Variants in GPHN observed in about 807,000 individuals in gnomAD.
GPHN encodes gephyrin.
GPHN carries 17 observed loss-of-function variants against 95.5 expected under a neutral mutation model. That is an observed-to-expected ratio of 0.18 (90% CI 0.12 to 0.27). The LOEUF (loss-of-function observed/expected upper bound fraction) is 0.27, where lower values mean the gene tolerates loss of function less well. Ranked by LOEUF, GPHN falls within the 10% of genes least tolerant of loss-of-function variation. The pLI is 1.00. For missense variants in GPHN, 660 were observed against 978.1 expected, an observed-to-expected ratio of 0.67 and a Z score of 4.34; for synonymous variants, 320 against 322.5, an observed-to-expected ratio of 0.99 and a Z score of 0.08.
chr14:66,630,928 T>A (rs2153339366), intron 1 of GPHN, among the ~76,000 whole-genome samples: 1 of 152,138 alleles, frequency 6.6e-6, no homozygotes, highest in East Asian at 1.9e-4. Context: ...TTTTCTTACA[T>A]TTTATGGAGT....
At chr14:66,656,472 G>A (rs1253931610) in intron 1 of GPHN, among the ~76,000 whole-genome samples, 1 of 152,134 alleles carries the variant, frequency 6.6e-6, no homozygotes, top group Admixed American at 6.5e-5. Context: ...GTGGGAATAG[G>A]TGTACTTTAT....
At chr14:66,860,055 T>G (rs532640251) in intron 4 of GPHN, among the ~76,000 whole-genome samples, 5 of 152,116 alleles carry the variant, frequency 3.3e-5, no homozygotes, top group African/African-American at 9.6e-5. Context: ...AGTAGAAACT[T>G]TATTCAAAGG....
intron 10 of GPHN, among the ~76,000 whole-genome samples, chr14:67,046,947 C>G (rs756094815): frequency 9.9e-5 from 15 of 152,126 alleles, no homozygotes; most frequent in Non-Finnish European, 1.9e-4. Flanking sequence ...ACTATTTAAG[C>G]TGACCATATT....
chr14:66,597,268 C>T (rs2062022897), intron 1 of GPHN, among the ~76,000 whole-genome samples: 1 of 152,194 alleles, frequency 6.6e-6, no homozygotes, highest in Admixed American at 6.5e-5. Flanking sequence ...TGAGGCTACT[C>T]ACATGCTCAA....
chr14:66,946,825 G>A (rs1321303174), intron 8 of GPHN, among the ~76,000 whole-genome samples: 4 of 152,050 alleles, frequency 2.6e-5, no homozygotes, highest in Admixed American at 2.6e-4. Context: ...AGACTTATTG[G>A]TGACTCTTCT....
At chr14:67,592,854 C>T in the GPHN span, 4 of 577,134 alleles carry the variant, frequency 6.9e-6, no homozygotes, top group Admixed American at 2.8e-5. Flanking sequence ...GGCGCAATCT[C>T]GGCTCACTGC....
chr14:67,288,768 A>G, the GPHN span, among the ~76,000 whole-genome samples: 1 of 152,032 alleles, frequency 6.6e-6, no homozygotes, highest in African/African-American at 2.4e-5. Context: ...TATTCTTAAT[A>G]TTAGCTTATG....
chr14:67,706,563 A>T, the GPHN span, among the ~76,000 whole-genome samples: 13 of 152,212 alleles, frequency 8.5e-5, no homozygotes, highest in Non-Finnish European at 1.8e-4. Flanking sequence ...TCACAGGAAG[A>T]TGAGACACAA....
chr14:67,067,863 G>T (rs963426590), intron 11 of GPHN, among the ~76,000 whole-genome samples: 1 of 152,210 alleles, frequency 6.6e-6, no homozygotes, highest in African/African-American at 2.4e-5. Flanking sequence ...ATCTGTCACG[G>T]CTTCCCTTGG....
chr14:67,330,830 G>A, the GPHN span, among the ~76,000 whole-genome samples: 23,563 of 152,084 alleles, frequency 0.15, 3,433 homozygotes, highest in East Asian at 0.42. Flanking sequence ...TTGGAGATGT[G>A]AAAAAGATTT....
chr14:67,208,197 T>C, the GPHN span: 1 of 1,612,376 alleles, frequency 6.2e-7, no homozygotes. Context: ...TTTTTATTTT[T>C]AAAGGAAAAA....
At chr14:67,491,239 G>T in the GPHN span, among the ~76,000 whole-genome samples, 1 of 152,136 alleles carries the variant, frequency 6.6e-6, no homozygotes, top group African/African-American at 2.4e-5. Flanking sequence ...GATGGATAGG[G>T]TGACGTATTG....
the GPHN span, among the ~76,000 whole-genome samples, chr14:67,610,783 C>T: frequency 9.2e-5 from 14 of 152,278 alleles, no homozygotes. Flanking sequence ...TCCCCAGCTC[C>T]CTGCCTACCA....
intron 10 of GPHN, among the ~76,000 whole-genome samples, chr14:67,049,550 G>A (rs1446245192): frequency 7.0e-6 from 1 of 143,176 alleles, no homozygotes; most frequent in Non-Finnish European, 1.5e-5. Context: ...GTCTCGCTCT[G>A]TTGCCAGGCT....
At chr14:67,340,106 A>C in the GPHN span, 1 of 212,854 alleles carries the variant, frequency 4.7e-6, no homozygotes, top group African/African-American at 2.3e-5. Context: ...TATTACGCAC[A>C]ATCAGTTACA....
chr14:67,729,098 C>T, the GPHN span: 3 of 1,306,660 alleles, frequency 2.3e-6, no homozygotes, highest in Non-Finnish European at 2.2e-6. Context: ...TCCTGAGTCC[C>T]TCCTTCTCAC....
intron 5 of GPHN, among the ~76,000 whole-genome samples, chr14:66,889,604 A>G (rs1385339773): frequency 6.6e-6 from 1 of 152,176 alleles, no homozygotes; most frequent in Non-Finnish European, 1.5e-5. Context: ...ACTTCATAGC[A>G]TGCAGAAAAA....
chr14:67,490,304 C>T, the GPHN span, among the ~76,000 whole-genome samples: 6 of 152,160 alleles, frequency 3.9e-5, no homozygotes, highest in Admixed American at 2.6e-4. Flanking sequence ...GGAGCCATTG[C>T]ACCACCAGAG....
chr14:67,587,182 C>T, the GPHN span: 12,781 of 1,613,694 alleles, frequency 7.9e-3, 105 homozygotes, highest in Middle Eastern at 0.024. Context: ...ACTGGATGGA[C>T]GACAGTTCTT....
Sources: gnomAD v4.1 joint callset for allele counts (sites outside exome capture counted in the v4.1 genomes callset) on GRCh38, gnomAD v4.1.1 for gene constraint, MANE v1.5 for transcripts, NCBI Gene and HGNC (gene_info 2026-07-23, HGNC 2026-07-21) for gene names.